Variants in COMMD4 observed in about 807,000 individuals in gnomAD.
COMMD4 encodes the protein COMM domain containing 4.
In COMMD4, 18 loss-of-function variants were observed where a neutral mutation model predicts 27.5. The observed-to-expected ratio is 0.65, with a 90% CI of 0.45 to 0.97. The LOEUF (loss-of-function observed/expected upper bound fraction) is 0.97, where lower values mean the gene tolerates loss of function less well. COMMD4 is among the 50% of genes least tolerant of loss of function. The pLI is 0.00. For synonymous variants in COMMD4, 108 were observed against 108.4 expected (o/e 1.00, Z 0.02); for missense variants, 243 against 250.0 (o/e 0.97, Z 0.19).
chr15:75,339,673 T>TGG, intron 6 of COMMD4, 29 bp from the exon 7 acceptor site: 1 of 1,553,986 alleles, frequency 6.4e-7, no homozygotes, highest in Non-Finnish European at 8.7e-7. Context: ...CCTGCTTTGA[T>TGG]CCTGAGAGCC....
downstream of COMMD4, chr15:75,340,809 T>G (rs1308985464): frequency 1.5e-5 from 2 of 130,236 alleles, no homozygotes; most frequent in East Asian, 2.9e-4. Context: ...GCTAATTTTG[T>G]TTTTTTTTTT....
chr15:75,342,332 G>A (rs1178739467), downstream of COMMD4: 1 of 152,238 alleles, frequency 6.6e-6, no homozygotes, highest in Non-Finnish European at 1.5e-5. Flanking sequence ...CTTAAGCCCA[G>A]GAGTTCGAGA....
chr15:75,336,234 G>A, intron 1 of COMMD4, 142 bp downstream of exon 1: 3 of 1,539,516 alleles, frequency 1.9e-6, no homozygotes, highest in South Asian at 2.4e-5. Context: ...GAGTCTGGTA[G>A]GGAAAAGTCC....
At chr15:75,336,337 G>A (rs549891113) in intron 1 of COMMD4, 10 of 1,349,254 alleles carry the variant, frequency 7.4e-6, no homozygotes, top group East Asian at 5.2e-5. Flanking sequence ...TTCCCTGGCG[G>A]AAGGAAGGGC....
chr15:75,338,773 G>A (rs1164650166), intron 4 of COMMD4, 88 bp downstream of exon 4: 2 of 1,480,408 alleles, frequency 1.4e-6, no homozygotes, highest in East Asian at 4.8e-5. Flanking sequence ...ACCCCTCCCA[G>A]CAGCATCCTT....
rs773988247 is a variant in COMMD4, at chr15:75,338,075, G to T, written c.17G>T (p.Cys6Phe). The T allele has an allele frequency of 2.5e-6, 4 of 1,607,874 alleles. No individual in the cohort carries two copies. In the Admixed American group the frequency reaches 6.7e-5, roughly 27 times the overall value. Residue 6 changes from cysteine (C) to phenylalanine (F), a missense_variant, in exon 2 of 8, where the codon TGT becomes TTT. Cys to Phe is a radical substitution (Grantham distance 205). Coordinates refer to ENST00000267935, the MANE Select transcript of COMMD4 (RefSeq NM_017828.5). MRFRF[C>F]GDLDCPDWVL... ...CCTCCCTTGCAGAGGTTCCGGTTCT[G>T]TGGTGATCTGGACTGTCCCGACTGG...
chr15:75,339,069 T>C lies in COMMD4; in HGVS notation c.266T>C (p.Leu89Ser). The C allele has an allele frequency of 1.9e-6, 3 of 1,613,768 alleles. No homozygotes were observed. Among genetic ancestry groups the C allele is most frequent in the Non-Finnish European group, 2.5e-6 (3 of 1,179,948 alleles). Residue 89 changes from leucine (L) to serine (S), a missense_variant, in exon 5 of 8, where the codon TTG becomes TCG. Transcript: ENST00000267935. ...AAKHSVDGES[L>S]SSELQQLGLP... Reference sequence around the variant, plus strand: ...AAGCACAGTGTCGATGGCGAATCCTTGTCCAGTGAACTGCAGCAGCTGGGG... The same window carrying C: ...AAGCACAGTGTCGATGGCGAATCCTCGTCCAGTGAACTGCAGCAGCTGGGG...
chr15:75,339,225 C>T (rs771889232), intron 5 of COMMD4, 39 bp from the exon 6 acceptor site: 18 of 1,611,968 alleles, frequency 1.1e-5, no homozygotes, highest in African/African-American at 5.3e-5. Context: ...AGCCAGGCCC[C>T]GACATGCTAC....
chr15:75,340,647 C>A (rs1292887982), downstream of COMMD4, among the ~76,000 whole-genome samples: 1 of 152,052 alleles, frequency 6.6e-6, no homozygotes, highest in Non-Finnish European at 1.5e-5. Flanking sequence ...TCCTCTTGCC[C>A]AGGTTTCACT....
At chr15:75,340,482 C>T (rs950437577), downstream of COMMD4, among the ~76,000 whole-genome samples, 1 of 152,220 alleles carries the variant, frequency 6.6e-6, no homozygotes, top group African/African-American at 2.4e-5. Context: ...CTGGGATGCT[C>T]TTGGCTCTGC....
chr15:75,339,934 C>A, intron 7 of COMMD4, 31 bp from the exon 8 acceptor site: 1 of 1,614,130 alleles, frequency 6.2e-7, no homozygotes, highest in South Asian at 1.1e-5. Flanking sequence ...CGCCTGACTG[C>A]CTCCCACCTG....
At chr15:75,338,533 C>G (rs755424042) in intron 3 of COMMD4, 113 bp downstream of exon 3, 1 of 1,565,130 alleles carries the variant, frequency 6.4e-7, no homozygotes, top group Non-Finnish European at 8.7e-7. Context: ...CCTCTCTGGG[C>G]ACCTCCCTTC....
Position 75,338,132 on chromosome 15 carries a change from T to C in COMMD4, c.74T>C (p.Met25Thr). 1 of 1,601,430 alleles carries C rather than the reference T, an allele frequency of 6.2e-7. No homozygotes were observed. The highest frequency in any genetic ancestry group is 8.5e-7 in the Non-Finnish European group (1 of 1,173,908). Reference sequence around the variant, plus strand: ...GCAGAAATCAGCACGCTGGCCAAGATGGTTGAGTGCACAGGGTCTAGTCTG... The same window carrying C: ...GCAGAAATCAGCACGCTGGCCAAGACGGTTGAGTGCACAGGGTCTAGTCTG... ...VLAEISTLAK[M>T]SSVKLRLLCS... is the part of the protein sequence containing the mutation. Residue 25 changes from methionine to threonine, a missense_variant and splice_region_variant, in exon 2 of 8, where the codon ATG becomes ACG. Met to Thr is a moderately conservative substitution (Grantham distance 81). Transcript: ENST00000267935.
chr15:75,337,579 T>G (rs1260051234), intron 1 of COMMD4: 41 of 135,328 alleles, frequency 3.0e-4, no homozygotes, highest in East Asian at 2.2e-4. Flanking sequence ...GGAACAAGAG[T>G]GAAACTGTCT....
chr15:75,339,343 C>T lies in COMMD4; in HGVS notation c.381C>T (p.Arg127=). The T allele has an allele frequency of 6.2e-7, 1 of 1,610,976 alleles. No individual in the cohort carries two copies. Among genetic ancestry groups the T allele is most frequent in the Non-Finnish European group, 8.5e-7 (1 of 1,179,448 alleles). Residue 127 remains arginine, a splice_region_variant and synonymous_variant, in exon 6 of 8, where the codon CGC becomes CGT. Transcript: ENST00000267935. ...AGCACTTGCGGGTCTGCAGCCTACG[C>T]AGTAAGTATGAGGCCAGCCAGGGTC... The part of the protein sequence containing the change: ...LQKHLRVCSL[R]MNRLAGVGWR...
At position 75,339,532 on chromosome 15, in the gene COMMD4, G is replaced by A. The variant is rs949884296; in HGVS notation, c.383-170G>A. 10 of 1,138,084 alleles carry A rather than the reference G, an allele frequency of 8.8e-6. No homozygotes were observed. In the East Asian group the frequency reaches 2.1e-4, roughly 23 times the overall value. The allele number at this position is 1,138,084 out of a possible 1,614,324, so 70.5% of individuals were successfully genotyped here. A position where few individuals can be genotyped will look rare whatever the true frequency, so the allele number is the denominator to read the frequency against. ...CTTGTCACTGAGGTCTGCTGTGGGT[G>A]ATCAGAACTGATTATCGGGCACCTG... On this transcript the variant is annotated intron_variant, in intron 6 of 7. Coordinates refer to ENST00000267935, the MANE Select transcript of COMMD4 (RefSeq NM_017828.5).
In COMMD4 at chr15:75,336,065, T is replaced by G; in HGVS notation, c.-25T>G. On this transcript the variant is annotated 5_prime_UTR_variant, in exon 1 of 8. The change creates a new upstream start codon in the 5' untranslated region. Transcript: ENST00000267935. The stretch of plus-strand genomic sequence containing the variant: ...ACCCTGCGGGACCGGAAAAAGAAAT[T>G]CCCGGGCCCTGGCTTCTTGGCGCGA... 3 of 1,549,518 alleles carry G rather than the reference T, an allele frequency of 1.9e-6. No homozygotes were observed. The highest frequency in any genetic ancestry group is 2.6e-6 in the Non-Finnish European group (3 of 1,146,800).
chr15:75,340,889 C>CA (rs2141301275), downstream of COMMD4: 1 of 151,978 alleles, frequency 6.6e-6, no homozygotes, highest in East Asian at 1.9e-4. Context: ...TCAGGTGATC[C>CA]ACCCACCTTG....
intron 1 of COMMD4, 136 bp downstream of exon 1, chr15:75,336,228 C>T: frequency 6.5e-7 from 1 of 1,541,408 alleles, no homozygotes; most frequent in Non-Finnish European, 8.8e-7. Context: ...GGCTGTGAGT[C>T]TGGTAGGGAA....
Sources: allele counts gnomAD v4.1 joint callset (sites outside exome capture counted in the v4.1 genomes callset), GRCh38; gene constraint gnomAD v4.1.1; transcripts MANE v1.5; gene names NCBI Gene and HGNC (gene_info 2026-07-23, HGNC 2026-07-21).